NEMF: variants seen among roughly 807,000 people sequenced by gnomAD.
NEMF encodes nuclear export mediator factor.
Under a neutral mutation model 162.2 loss-of-function variants are expected in NEMF, and 89 were observed. That is an observed-to-expected ratio of 0.55 (90% CI 0.46 to 0.65). The LOEUF (loss-of-function observed/expected upper bound fraction) is 0.65, where lower values mean the gene tolerates loss of function less well. Among genes scored for constraint, NEMF ranks in the 30% least tolerant of loss-of-function variants. The pLI is 0.00. For missense variants in NEMF, 1,133 were observed against 1,261.9 expected, an observed-to-expected ratio of 0.90 and a Z score of 1.55; for synonymous variants, 421 against 404.5, an observed-to-expected ratio of 1.04 and a Z score of -0.49.
At chr14:49,814,729 T>G in intron 17 of NEMF, 25 bp downstream of exon 17, 1 of 1,331,846 alleles carries the variant, frequency 7.5e-7, no homozygotes, top group Non-Finnish European at 1.0e-6. Context: ...AAGAGAAAAT[T>G]TTTCCGAATT....
At chr14:49,800,756 T>C in intron 22 of NEMF, 60 bp from the exon 23 acceptor site, 1 of 1,461,750 alleles carries the variant, frequency 6.8e-7, no homozygotes, top group Non-Finnish European at 9.3e-7. Flanking sequence ...GGTGATTTCC[T>C]AAAAATGTCA....
At chr14:49,820,745 G>C in intron 16 of NEMF, among the ~76,000 whole-genome samples, 1 of 152,088 alleles carries the variant, frequency 6.6e-6, no homozygotes, top group Non-Finnish European at 1.5e-5. Flanking sequence ...AGCCTGCCGA[G>C]TGCCTGCGAT....
chr14:49,827,395 C>G (rs938175606), intron 15 of NEMF, among the ~76,000 whole-genome samples: 4 of 152,038 alleles, frequency 2.6e-5, no homozygotes, highest in African/African-American at 9.7e-5. Context: ...CCATGTTGGC[C>G]AGGCTGGTCT....
chr14:49,817,184 T>C (rs542029518), intron 16 of NEMF, among the ~76,000 whole-genome samples: 16 of 152,350 alleles, frequency 1.1e-4, no homozygotes, highest in African/African-American at 3.6e-4. Context: ...GGCTTATGCC[T>C]GTAATCCCAG....
chr14:49,786,450 C>T, intron 29 of NEMF: 1 of 431,540 alleles, frequency 2.3e-6, no homozygotes, highest in South Asian at 4.0e-5. Context: ...TTTCTAAATG[C>T]CCTTTACATA....
intron 3 of NEMF, among the ~76,000 whole-genome samples, chr14:49,848,941 GA>G (rs1034811109): frequency 6.7e-6 from 1 of 149,034 alleles, no homozygotes; most frequent in Non-Finnish European, 1.5e-5. Flanking sequence ...GACAAAGGTT[GA>G]AAAAAAACAA....
chr14:49,786,929 T>C, intron 28 of NEMF, 179 bp from the exon 29 acceptor site: 1 of 570,972 alleles, frequency 1.8e-6, no homozygotes. Context: ...GTATATGTGT[T>C]TGTGTGTGTC....
At chr14:49,813,675 GT>G (rs1891587084) in intron 18 of NEMF, among the ~76,000 whole-genome samples, 1 of 151,684 alleles carries the variant, frequency 6.6e-6, no homozygotes, top group Non-Finnish European at 1.5e-5. Flanking sequence ...GTGTGTGTGT[GT>G]GTGTGTGTGT....
At chr14:49,811,580 T>C (rs1891479869) in intron 18 of NEMF, among the ~76,000 whole-genome samples, 1 of 152,216 alleles carries the variant, frequency 6.6e-6, no homozygotes, top group South Asian at 2.1e-4. Flanking sequence ...GCTGTCGGTT[T>C]TTCATAAATG....
Position 49,828,633 on chromosome 14 carries a change from T to G in NEMF, c.1407A>C (p.Ala469=). The change falls in exon 14 of 33, where the codon GCA becomes GCC. Residue 469 remains alanine, a synonymous_variant. Coordinates refer to ENST00000298310, the MANE Select transcript of NEMF (RefSeq NM_004713.6). ...LLVDVDLSLS[A]YANAKKYYDH... ...TGACTTACTTTTTGGCATTGGCATA[T>G]GCTGACAAGCTGAGATCAACATCTA... 1 of 1,573,140 alleles carries G rather than the reference T, an allele frequency of 6.4e-7. No individual in the cohort carries two copies. The highest frequency in any genetic ancestry group is 8.6e-7 in the Non-Finnish European group (1 of 1,168,352).
intron 26 of NEMF, among the ~76,000 whole-genome samples, chr14:49,793,015 A>G (rs1245567665): frequency 6.6e-6 from 1 of 152,180 alleles, no homozygotes; most frequent in Non-Finnish European, 1.5e-5. Context: ...ATAGACACAG[A>G]AAAACCATTC....
chr14:49,790,907 C>T lies in NEMF; in HGVS notation c.2620-1334G>A, dbSNP rs191038818. On this transcript the variant is annotated intron_variant, in intron 26 of 32. Transcript: ENST00000298310. ...ACTTGGGAGTCTGAGGTAGGAGAAT[C>T]GCTTGAACCTGGGAGACAGAGGTTG... Among the ~76,000 whole-genome samples the T allele has an allele frequency of 2.2e-4, 33 of 152,154 alleles. 1 individual carries two copies. The highest frequency in any genetic ancestry group is 2.2e-3 in the Admixed American group (33 of 15,266).
chr14:49,829,227 C>G lies in NEMF; in HGVS notation c.1059G>C (p.Met353Ile). Residue 353 changes from methionine (M) to isoleucine (I), a missense_variant, in exon 13 of 33, where the codon ATG (methionine) becomes ATC (isoleucine). Around this residue, in one of 3 missense-constraint regions of NEMF, gnomAD observed 582 missense variants for 631.5 expected, o/e 0.92. Transcript: ENST00000298310. Reference sequence around the variant, plus strand: ...TGGCTCTGTCAACTATTTGTAGGTTCATTTCTATGAGCTCTCCTTTCAGTT... The same window carrying G: ...TGGCTCTGTCAACTATTTGTAGGTTGATTTCTATGAGCTCTCCTTTCAGTT... ...IDKLKGELIE[M>I]NLQIVDRAIQ... 1 of 1,614,150 alleles carries G rather than the reference C, an allele frequency of 6.2e-7. No individual in the cohort carries two copies. Among genetic ancestry groups the G allele is most frequent in the East Asian group, 2.2e-5 (1 of 44,878 alleles).
At chr14:49,816,473 C>A (rs1372417941) in intron 16 of NEMF, among the ~76,000 whole-genome samples, 2 of 152,174 alleles carry the variant, frequency 1.3e-5, no homozygotes, top group East Asian at 1.9e-4. Context: ...TGTTCTTGCA[C>A]CTCCCTCCCC....
chr14:49,786,680 C>T (rs760451717), intron 29 of NEMF, 38 bp downstream of exon 29: 1 of 1,562,320 alleles, frequency 6.4e-7, no homozygotes, highest in Non-Finnish European at 8.8e-7. Context: ...GAATTGTAAT[C>T]ACAGTGTTGT....
At chr14:49,827,336 G>A (rs530743941) in intron 15 of NEMF, among the ~76,000 whole-genome samples, 12 of 152,048 alleles carry the variant, frequency 7.9e-5, no homozygotes, top group Non-Finnish European at 1.0e-4. Flanking sequence ...ACAGGTACCC[G>A]CCATCACCTC....
intron 18 of NEMF, 21 bp from the exon 19 acceptor site, chr14:49,806,154 G>C: frequency 6.4e-7 from 1 of 1,555,744 alleles, no homozygotes; most frequent in Non-Finnish European, 8.8e-7. Context: ...AATGCATAAT[G>C]TTTCAATACC....
At chr14:49,848,856 A>G (rs1199959724) in intron 3 of NEMF, among the ~76,000 whole-genome samples, 1 of 147,896 alleles carries the variant, frequency 6.8e-6, no homozygotes, top group Non-Finnish European at 1.5e-5. Flanking sequence ...AAAAAAAAAG[A>G]CTTAAATACG....
intron 18 of NEMF, among the ~76,000 whole-genome samples, chr14:49,812,112 T>G (rs1011532365): frequency 2.6e-5 from 4 of 152,212 alleles, no homozygotes; most frequent in African/African-American, 9.6e-5. Context: ...CAGGTTTATT[T>G]CAATTCTCTA....
Sources: gnomAD v4.1 joint callset for allele counts (sites outside exome capture counted in the v4.1 genomes callset) on GRCh38, gnomAD v4.1.1 for gene constraint, gnomAD v4.1.1 regional missense constraint, MANE v1.5 for transcripts, NCBI Gene and HGNC (gene_info 2026-07-23, HGNC 2026-07-21) for gene names.